Variants in TBL1Y observed in about 807,000 individuals in gnomAD.
TBL1Y encodes transducin beta like 1 Y-linked.
Under a neutral mutation model 12.0 loss-of-function variants are expected in TBL1Y, and 15 were observed. The observed-to-expected ratio is 1.25, with a 90% confidence interval of 0.83 to 1.92. The LOEUF is 1.92. TBL1Y is among the 40% of genes most tolerant of loss of function. TBL1Y has a pLI of 0.00. For missense variants in TBL1Y, 148 were observed against 116.7 expected, an observed-to-expected ratio of 1.27 and a Z score of -1.24; for synonymous variants, 53 against 42.6, an observed-to-expected ratio of 1.24 and a Z score of -0.95.
chrY:7,034,959 G>A, intron 6 of TBL1Y, among the ~76,000 whole-genome samples: 1 of 33,431 alleles, frequency 3.0e-5, no homozygotes, highest in South Asian at 6.8e-4. Flanking sequence ...AGCCAAGATA[G>A]ACAAATAGGA....
At chrY:7,041,395 G>A (rs2012720981) in intron 6 of TBL1Y, among the ~76,000 whole-genome samples, 1 of 33,511 alleles carries the variant, frequency 3.0e-5, no homozygotes, top group Non-Finnish European at 7.4e-5. Flanking sequence ...AATGCAGTGA[G>A]GTCCTGCTTC....
At chrY:6,943,808 A>T in intron 2 of TBL1Y, among the ~76,000 whole-genome samples, 1 of 33,999 alleles carries the variant, frequency 2.9e-5, no homozygotes, top group African/African-American at 1.2e-4. Context: ...CCATATGGAA[A>T]TATTTTGTAT....
intron 7 of TBL1Y, 70 bp from the exon 8 acceptor site, chrY:7,063,827 G>T: frequency 2.6e-6 from 1 of 380,539 alleles, no homozygotes; most frequent in East Asian, 9.3e-5. Context: ...CTCCTGCCCA[G>T]AGAGTAGAGA....
At chrY:7,070,356 A>G in intron 9 of TBL1Y, 28 bp downstream of exon 9, 1 of 392,212 alleles carries the variant, frequency 2.5e-6, no homozygotes, top group Non-Finnish European at 3.6e-6. Context: ...GGGGCACTCC[A>G]GGGTCAGGGA....
chrY:7,069,984 T>A, intron 8 of TBL1Y, among the ~76,000 whole-genome samples: 1 of 33,667 alleles, frequency 3.0e-5, no homozygotes, highest in Non-Finnish European at 7.3e-5. Flanking sequence ...AGATTCTCTG[T>A]TTTTATTTCT....
chrY:7,027,541 G>C, intron 6 of TBL1Y, among the ~76,000 whole-genome samples: 1 of 32,049 alleles, frequency 3.1e-5, no homozygotes, highest in Non-Finnish European at 7.6e-5. Context: ...AATTAGCCGG[G>C]CATGGTGGCA....
intron 7 of TBL1Y, among the ~76,000 whole-genome samples, chrY:7,062,673 G>C (rs929434193): frequency 6.1e-5 from 2 of 32,844 alleles, no homozygotes; most frequent in South Asian, 1.4e-3. Flanking sequence ...ATTTCCGCTA[G>C]TGGAAATTTC....
At chrY:6,928,010 G>A in intron 2 of TBL1Y, among the ~76,000 whole-genome samples, 1 of 33,043 alleles carries the variant, frequency 3.0e-5, no homozygotes. Flanking sequence ...TTGTGGAGGT[G>A]AGAAATAGGA....
At chrY:7,077,532 A>G (rs756906354) in intron 13 of TBL1Y, among the ~76,000 whole-genome samples, 1 of 34,006 alleles carries the variant, frequency 2.9e-5, no homozygotes, top group Non-Finnish European at 7.3e-5. Flanking sequence ...TATTAATTGC[A>G]TGCCTGAAGC....
At chrY:6,936,187 G>A in intron 2 of TBL1Y, among the ~76,000 whole-genome samples, 1 of 34,494 alleles carries the variant, frequency 2.9e-5, no homozygotes, top group Non-Finnish European at 7.3e-5. Flanking sequence ...GCTGATGTGT[G>A]TGAAACACAA....
At chrY:6,921,797 A>T in intron 2 of TBL1Y, among the ~76,000 whole-genome samples, 1 of 33,689 alleles carries the variant, frequency 3.0e-5, no homozygotes, top group African/African-American at 1.2e-4. Context: ...AGCTTGACTC[A>T]TTCCAATTAT....
chrY:7,012,188 C>T (rs2012523288), intron 4 of TBL1Y, among the ~76,000 whole-genome samples: 1 of 33,686 alleles, frequency 3.0e-5, no homozygotes, highest in African/African-American at 1.2e-4. Flanking sequence ...TGCTCATATG[C>T]GTGAGCAAAA....
chrY:6,988,674 A>G, intron 3 of TBL1Y, among the ~76,000 whole-genome samples: 1 of 29,977 alleles, frequency 3.3e-5, no homozygotes, highest in Non-Finnish European at 7.9e-5. Flanking sequence ...ACATAAATAA[A>G]TAAATAAATA....
At chrY:6,991,618 C>G in intron 3 of TBL1Y, among the ~76,000 whole-genome samples, 1 of 33,034 alleles carries the variant, frequency 3.0e-5, no homozygotes, top group Admixed American at 2.8e-4. Context: ...ACCTCCAAGC[C>G]AAGGAGACAG....
At chrY:7,027,103 T>C in intron 6 of TBL1Y, among the ~76,000 whole-genome samples, 1 of 32,745 alleles carries the variant, frequency 3.1e-5, no homozygotes. Context: ...GGTTTCACTA[T>C]GTTGCCCACG....
intron 2 of TBL1Y, among the ~76,000 whole-genome samples, chrY:6,912,594 G>A (rs2011703166): frequency 3.0e-5 from 1 of 32,901 alleles, no homozygotes; most frequent in South Asian, 6.9e-4. Context: ...ACTTTGGCAG[G>A]CCAAGGCGAG....
At chrY:7,007,263 G>T in intron 4 of TBL1Y, among the ~76,000 whole-genome samples, 1 of 33,516 alleles carries the variant, frequency 3.0e-5, no homozygotes, top group Non-Finnish European at 7.3e-5. Context: ...CATTTGAAAT[G>T]ACAGTTTCAC....
At chrY:6,992,241 A>G (rs961268393) in intron 3 of TBL1Y, among the ~76,000 whole-genome samples, 2 of 33,774 alleles carry the variant, frequency 5.9e-5, no homozygotes, top group Non-Finnish European at 1.5e-4. Flanking sequence ...CCTGAGGGCT[A>G]TGAGGCAAGA....
rs779411676 is a variant in TBL1Y, at chrY:7,070,228, G to A, written c.490G>A (p.Asp164Asn). 3.2e-4 allele frequency: 125 copies of A among 394,548 alleles called. No homozygotes were observed. The highest frequency in any genetic ancestry group is 4.3e-4 in the Non-Finnish European group (122 of 281,365). The change falls in exon 9 of 19, where the codon GAT (aspartate) becomes AAT (asparagine). Residue 164 changes from aspartate to asparagine, a missense_variant. By Grantham distance (23) the Asp-to-Asn change is conservative. Transcript: ENST00000383032. ...NHSKPMEIDG[D>N]VEIPPNKATV... is the part of the protein sequence containing the mutation. ...CTCAAAGCCAATGGAAATAGATGGG[G>A]ATGTTGAGATTCCACCCAACAAAGC...
Sources: allele counts gnomAD v4.1 joint callset (sites outside exome capture counted in the v4.1 genomes callset), GRCh38; gene constraint gnomAD v4.1.1; transcripts MANE v1.5; gene names NCBI Gene and HGNC (gene_info 2026-07-23, HGNC 2026-07-21).